CDK13: variants seen among roughly 807,000 people sequenced by gnomAD.
CDK13 encodes cyclin dependent kinase 13.
CDK13 carries 40 observed loss-of-function variants against 137.6 expected under a neutral mutation model. That is an observed-to-expected ratio of 0.29 (90% CI 0.23 to 0.38). CDK13 has a LOEUF of 0.38. Ranked by LOEUF, CDK13 falls within the 10% of genes least tolerant of loss-of-function variation. The probability of loss-of-function intolerance (pLI) is 1.00; values close to 1 mark genes in which losing one functional copy is unlikely to be tolerated. For synonymous variants in CDK13, 869 were observed against 760.1 expected, an observed-to-expected ratio of 1.14 and a Z score of -2.36; for missense variants, 1,704 against 1,951.8, an observed-to-expected ratio of 0.87 and a Z score of 2.39.
intron 5 of CDK13, among the ~76,000 whole-genome samples, chr7:40,035,828 A>G (rs1324625424): frequency 1.5e-5 from 2 of 137,496 alleles, no homozygotes; most frequent in African/African-American, 5.4e-5. Flanking sequence ...GTCTTCCATG[A>G]AACTGGTCCC....
chr7:39,995,400 T>C (rs1784539689), intron 2 of CDK13, among the ~76,000 whole-genome samples: 2 of 152,324 alleles, frequency 1.3e-5, no homozygotes, highest in African/African-American at 4.8e-5. Context: ...TAAGTTATTC[T>C]AAATAGGCCT....
intron 2 of CDK13, among the ~76,000 whole-genome samples, chr7:39,993,824 A>G (rs1784510616): frequency 6.6e-6 from 1 of 152,152 alleles, no homozygotes; most frequent in Admixed American, 6.5e-5. Context: ...ATGTCAAAGT[A>G]TACACATTAA....
At chr7:40,031,860 T>TATTATTATC (rs1785388545) in intron 5 of CDK13, among the ~76,000 whole-genome samples, 1 of 145,182 alleles carries the variant, frequency 6.9e-6, no homozygotes, top group Non-Finnish European at 1.5e-5. Flanking sequence ...TTATTATTAT[T>TATTATTATC]ATTATTGGGA....
At chr7:40,068,728 AAAAG>A (rs1332663541) in intron 9 of CDK13, among the ~76,000 whole-genome samples, 26 of 150,626 alleles carry the variant, frequency 1.7e-4, no homozygotes, top group East Asian at 5.8e-4. Context: ...AAAAAAAAAA[AAAAG>A]GAAACAGTTG....
rs545904528 is a variant in CDK13 at position 40,063,500 on chromosome 7, C to G, written c.2780+400C>G. Among the ~76,000 whole-genome samples, 5 of 152,158 alleles carry G rather than the reference C, an allele frequency of 3.3e-5. No individual in the cohort carries two copies. In the South Asian group the frequency reaches 8.3e-4, roughly 25 times the overall value. ...GTTTAAAAATACTCTTGTAAATACA[C>G]ATAAAAATATGTGTCTATATATGTG... On this transcript the variant is annotated intron_variant, in intron 9 of 13. Coordinates refer to ENST00000181839, the MANE Select transcript of CDK13 (RefSeq NM_003718.5).
intron 9 of CDK13, among the ~76,000 whole-genome samples, chr7:40,074,862 G>A (rs933748247): frequency 5.3e-5 from 8 of 151,164 alleles, no homozygotes; most frequent in East Asian, 1.9e-4. Context: ...CAAAAAGCCC[G>A]TAAAGGAAAT....
At chr7:40,092,648 G>A in intron 12 of CDK13, 137 bp from the exon 13 acceptor site, 2 of 632,902 alleles carry the variant, frequency 3.2e-6, no homozygotes, top group South Asian at 4.1e-5. Context: ...CTAGACTTGA[G>A]GTTCTCTTTT....
chr7:40,083,481 T>G (rs889900291), intron 11 of CDK13, among the ~76,000 whole-genome samples: 7 of 152,196 alleles, frequency 4.6e-5, no homozygotes, highest in African/African-American at 7.2e-5. Context: ...CTAGAAAAGA[T>G]TAGGAAATCA....
chr7:40,047,313 G>T (rs1785767842), intron 6 of CDK13, among the ~76,000 whole-genome samples: 1 of 151,974 alleles, frequency 6.6e-6, no homozygotes, highest in East Asian at 1.9e-4. Context: ...TCTTGTAATT[G>T]GTACTGTTTG....
chr7:40,081,983 G>C (rs1255939340), intron 11 of CDK13, among the ~76,000 whole-genome samples: 1 of 152,144 alleles, frequency 6.6e-6, no homozygotes, highest in Admixed American at 6.6e-5. Flanking sequence ...GAAAGAGAGG[G>C]CTGAGATTTT....
chr7:39,995,125 G>A (rs1665003665), intron 2 of CDK13, among the ~76,000 whole-genome samples: 1 of 151,622 alleles, frequency 6.6e-6, no homozygotes, highest in Non-Finnish European at 1.5e-5. Flanking sequence ...TTGTTGCTGG[G>A]GTGTATAGAA....
chr7:39,988,576 G>A (rs17537803), intron 2 of CDK13, among the ~76,000 whole-genome samples: 124 of 152,254 alleles, frequency 8.1e-4, no homozygotes, highest in Non-Finnish European at 1.4e-3. Context: ...ATCAGAGACA[G>A]AATATTTTAT....
intron 5 of CDK13, among the ~76,000 whole-genome samples, chr7:40,005,877 G>A (rs7799846): frequency 0.54 from 82,431 of 151,888 alleles, 24,314 homozygotes; most frequent in African/African-American, 0.79. Flanking sequence ...GCATGACAGC[G>A]TGCCTGGCTA....
chr7:40,037,423 T>A lies in CDK13; in HGVS notation c.2354-8413T>A, dbSNP rs773401. On this transcript the variant is annotated intron_variant, in intron 5 of 13. Coordinates refer to ENST00000181839, the MANE Select transcript of CDK13 (RefSeq NM_003718.5). ...TGGGAGGTCTCACTTATTCTTTACA[T>A]GGGCCTTCCACAAAGTTGCTTAAAT... Among the ~76,000 whole-genome samples, 1,005 of 152,324 alleles carry A rather than the reference T, an allele frequency of 6.6e-3. 12 individuals carry two copies. The highest frequency in any genetic ancestry group is 0.023 in the African/African-American group (936 of 41,570).
chr7:39,958,579 T>C (rs1787498664), intron 1 of CDK13, among the ~76,000 whole-genome samples: 1 of 152,200 alleles, frequency 6.6e-6, no homozygotes, highest in Non-Finnish European at 1.5e-5. Flanking sequence ...TGCTGTCTTG[T>C]AGCCTGTACT....
intron 9 of CDK13, among the ~76,000 whole-genome samples, chr7:40,064,957 A>ATTTTTT (rs56710188): frequency 1.7e-4 from 8 of 46,142 alleles, no homozygotes; most frequent in Non-Finnish European, 1.6e-4. Flanking sequence ...ATGCTGGGTG[A>ATTTTTT]TTTTTTTTTT....
intron 12 of CDK13, 22 bp from the exon 13 acceptor site, chr7:40,092,763 A>G: frequency 6.3e-7 from 1 of 1,582,578 alleles, no homozygotes; most frequent in Non-Finnish European, 8.7e-7. Flanking sequence ...GACAGTTCTA[A>G]TTAATATAAT....
chr7:40,062,111 T>G (rs1786160753), intron 7 of CDK13: 1 of 152,170 alleles, frequency 6.6e-6, no homozygotes, highest in Non-Finnish European at 1.5e-5. Flanking sequence ...TAGGTGGTCT[T>G]TATTTGAACT....
rs373378960 is a variant in CDK13, at chr7:40,094,537, C to T, written c.4096C>T (p.Arg1366Cys). Residue 1366 changes from arginine (R) to cysteine (C), a missense_variant, in exon 14 of 14, where the codon CGT becomes TGT. Transcript: ENST00000181839. ...CAGTTCTGCTCCACCACTAGAACGA[C>T]GTAGTTTCATTGGAAATTCAGATAT... ...GSSSAPPLER[R>C]SFIGNSDIQS... 30 of 1,611,714 alleles carry T rather than the reference C, an allele frequency of 1.9e-5. No homozygotes were observed. Among genetic ancestry groups the T allele is most frequent in the South Asian group, 3.3e-5 (3 of 90,830 alleles).
Sources: gnomAD v4.1 joint callset for allele counts (sites outside exome capture counted in the v4.1 genomes callset) on GRCh38, gnomAD v4.1.1 for gene constraint, MANE v1.5 for transcripts, NCBI Gene and HGNC (gene_info 2026-07-23, HGNC 2026-07-21) for gene names.